PLD5: variants seen among roughly 807,000 people sequenced by gnomAD.
PLD5 encodes the protein phospholipase D family member 5.
A neutral mutation model predicts 61.1 loss-of-function variants in PLD5; 36 were observed. The ratio of observed to expected loss-of-function variants is 0.59; its 90% confidence interval spans 0.45 to 0.78. The LOEUF is 0.78. Among genes scored for constraint, PLD5 ranks in the 30% least tolerant of loss-of-function variants. The pLI, the probability that PLD5 is intolerant of heterozygous loss-of-function variation, is 0.00. For synonymous variants in PLD5, 243 were observed against 242.8 expected (o/e 1.00, Z -0.01); for missense variants, 515 against 644.4 (o/e 0.80, Z 2.17).
chr1:242,456,057 T>C (rs1666935205), intron 1 of PLD5, among the ~76,000 whole-genome samples: 1 of 152,242 alleles, frequency 6.6e-6, no homozygotes, highest in African/African-American at 2.4e-5. Flanking sequence ...GGGAACATAT[T>C]TTATTTAAGA....
In PLD5 at chr1:242,256,885, C is replaced by T. The variant is rs1279045880; in HGVS notation, c.607+8452G>A. Among the ~76,000 whole-genome samples, 1 of 145,282 alleles carries T rather than the reference C, an allele frequency of 6.9e-6. No homozygotes were observed. The highest frequency in any genetic ancestry group is 1.5e-5 in the Non-Finnish European group (1 of 66,888). ...CTTCCTATCTTCTTTCTTTTCTCTCCCTCTTCTTTCTCTTTCTTTTTTCAT... is the reference window on the plus strand; with the variant it reads ...CTTCCTATCTTCTTTCTTTTCTCTCTCTCTTCTTTCTCTTTCTTTTTTCAT... On this transcript the variant is annotated intron_variant, in intron 4 of 9. Transcript: ENST00000536534. The surrounding 1 kb of genome is among the most constrained non-coding windows in gnomAD (Gnocchi z 5.7).
intron 1 of PLD5, among the ~76,000 whole-genome samples, chr1:242,375,525 C>A (rs1661896442): frequency 6.6e-6 from 1 of 152,120 alleles, no homozygotes. Context: ...TAACACCTGA[C>A]AGCAGCAAGA....
chr1:242,318,745 G>A (rs544014335), intron 2 of PLD5, among the ~76,000 whole-genome samples: 5 of 151,664 alleles, frequency 3.3e-5, no homozygotes, highest in African/African-American at 7.3e-5. Context: ...CTGCCTTGAC[G>A]TCCCAAAGTG....
intron 5 of PLD5, among the ~76,000 whole-genome samples, chr1:242,154,525 C>A (rs1665195814): frequency 6.6e-6 from 1 of 152,072 alleles, no homozygotes. Context: ...CCGTCAATAC[C>A]CAGTTTATTA....
Position 242,083,253 on chromosome 1 carries a change from C to G in PLD5, c.*6601G>C, listed in dbSNP as rs1230185810. 6.6e-6 allele frequency: 1 copy of G among 152,166 alleles called. No individual in the cohort carries two copies. Among genetic ancestry groups the G allele is most frequent in the African/African-American group, 2.4e-5 (1 of 41,430 alleles). The allele number at this position is 152,166 out of a possible 1,614,324, so 9.4% of individuals were successfully genotyped here. On this transcript the variant is annotated 3_prime_UTR_variant, in exon 10 of 10. Coordinates refer to ENST00000536534, the MANE Select transcript of PLD5 (RefSeq NM_001372062.1). ...ATTTACTTTCTGGTGTTCAAACTCC[C>G]TAAAAGAGGGCCGTGATTGGTGGGG...
At chr1:242,502,349 A>C (rs1015091447) in intron 1 of PLD5, among the ~76,000 whole-genome samples, 1 of 152,146 alleles carries the variant, frequency 6.6e-6, no homozygotes, top group Non-Finnish European at 1.5e-5. Context: ...TCCCATATCT[A>C]ATTAGTAGCC....
chr1:242,117,421 G>T (rs1204301179), intron 6 of PLD5, among the ~76,000 whole-genome samples: 1 of 150,262 alleles, frequency 6.7e-6, no homozygotes, highest in Non-Finnish European at 1.5e-5. Flanking sequence ...TTGCTCTGTT[G>T]CCCAGGCTGG....
chr1:242,494,873 C>CTTT (rs1558146905), intron 1 of PLD5, among the ~76,000 whole-genome samples: 2 of 108,226 alleles, frequency 1.8e-5, no homozygotes, highest in East Asian at 7.0e-4. Context: ...ATTTTTTTTT[C>CTTT]TTTTCTGTTT....
intron 5 of PLD5, among the ~76,000 whole-genome samples, chr1:242,180,283 GAC>G (rs1186229575): frequency 6.6e-6 from 1 of 152,078 alleles, no homozygotes; most frequent in Non-Finnish European, 1.5e-5. Flanking sequence ...TAGGGCTGAA[GAC>G]ACAGGAAATG....
chr1:242,309,335 AAC>A (rs1676559440), intron 2 of PLD5, among the ~76,000 whole-genome samples: 1 of 151,624 alleles, frequency 6.6e-6, no homozygotes, highest in African/African-American at 2.4e-5. Flanking sequence ...CAACAACAAC[AAC>A]AACAAAATAA....
chr1:242,424,921 C>T (rs1044491066), intron 1 of PLD5, among the ~76,000 whole-genome samples: 1 of 152,146 alleles, frequency 6.6e-6, no homozygotes, highest in Non-Finnish European at 1.5e-5. Context: ...CACCTGAGGT[C>T]AGGAGTTCAA....
chr1:242,433,121 G>A (rs1345845405), intron 1 of PLD5, among the ~76,000 whole-genome samples: 4 of 152,192 alleles, frequency 2.6e-5, no homozygotes, highest in Non-Finnish European at 5.9e-5. Context: ...GTATTCTGCA[G>A]GAATGGGGCA....
chr1:242,228,217 C>T (rs1671077207), intron 4 of PLD5, among the ~76,000 whole-genome samples: 1 of 152,186 alleles, frequency 6.6e-6, no homozygotes, highest in African/African-American at 2.4e-5. Flanking sequence ...ATTCTACCTA[C>T]TCTTGAATTG....
At chr1:242,425,159 C>A (rs963815573) in intron 1 of PLD5, among the ~76,000 whole-genome samples, 3 of 152,154 alleles carry the variant, frequency 2.0e-5, no homozygotes, top group Non-Finnish European at 4.4e-5. Context: ...TGTGTTGTTG[C>A]TTAATGATGG....
intron 2 of PLD5, among the ~76,000 whole-genome samples, chr1:242,321,593 C>T (rs898671065): frequency 1.3e-5 from 2 of 152,160 alleles, no homozygotes; most frequent in African/African-American, 4.8e-5. Flanking sequence ...GTGTCAGCCA[C>T]CACGCCCGGC....
intron 1 of PLD5, among the ~76,000 whole-genome samples, chr1:242,394,065 A>C (rs576197987): frequency 7.0e-6 from 1 of 143,740 alleles, no homozygotes; most frequent in African/African-American, 2.6e-5. Context: ...CTCAAAAAAA[A>C]ACATATATAT....
At chr1:242,437,629 A>G (rs1666061003) in intron 1 of PLD5, among the ~76,000 whole-genome samples, 1 of 152,096 alleles carries the variant, frequency 6.6e-6, no homozygotes, top group South Asian at 2.1e-4. Context: ...CCTGGGAGGC[A>G]GAGTTGCAGA....
At chr1:242,494,833 C>T (rs1668310191) in intron 1 of PLD5, among the ~76,000 whole-genome samples, 1 of 147,884 alleles carries the variant, frequency 6.8e-6, no homozygotes, top group African/African-American at 2.5e-5. Context: ...CTTTAGTGGG[C>T]TATTTGAAAA....
At chr1:242,476,782 T>C (rs1031054779) in intron 1 of PLD5, among the ~76,000 whole-genome samples, 2 of 152,182 alleles carry the variant, frequency 1.3e-5, no homozygotes, top group African/African-American at 4.8e-5. Flanking sequence ...TTTTTTTTCA[T>C]TGATTGATGT....
Sources: allele counts gnomAD v4.1 joint callset (sites outside exome capture counted in the v4.1 genomes callset), GRCh38; gene constraint gnomAD v4.1.1; non-coding constraint Gnocchi (gnomAD v3.1); transcripts MANE v1.5; gene names NCBI Gene and HGNC (gene_info 2026-07-23, HGNC 2026-07-21).